Variants in TMEM230 observed in about 807,000 individuals in gnomAD.
The protein encoded by TMEM230 is transmembrane protein 230.
TMEM230 carries 10 observed loss-of-function variants against 15.8 expected under a neutral mutation model. The observed-to-expected ratio is 0.63, with a 90% CI of 0.39 to 1.07. TMEM230 has a LOEUF of 1.07. Among genes scored for constraint, TMEM230 ranks in the 50% least tolerant of loss-of-function variants. The pLI is 0.01. For missense variants in TMEM230, 165 were observed against 193.3 expected (o/e 0.85, Z 0.87); for synonymous variants, 67 against 76.9 (o/e 0.87, Z 0.68).
At chr20:5,104,073 G>A (rs1216846639) in intron 4 of TMEM230, among the ~76,000 whole-genome samples, 1 of 151,818 alleles carries the variant, frequency 6.6e-6, no homozygotes, top group South Asian at 2.1e-4. Context: ...AAACTCTGTA[G>A]GAAAAAAAAT....
intron 3 of TMEM230, among the ~76,000 whole-genome samples, chr20:5,070,732 C>T (rs1185514207): frequency 6.6e-6 from 1 of 152,180 alleles, no homozygotes; most frequent in African/African-American, 2.4e-5. Flanking sequence ...TTTGTTTACC[C>T]TTTGCAAATA....
intron 3 of TMEM230, among the ~76,000 whole-genome samples, chr20:5,078,827 T>C (rs954195755): frequency 2.0e-5 from 3 of 152,228 alleles, no homozygotes; most frequent in African/African-American, 7.2e-5. Flanking sequence ...TCTTGCTCTG[T>C]TGCCCAGGCT....
chr20:5,065,176 T>C (rs530079381), downstream of TMEM230, among the ~76,000 whole-genome samples: 12 of 152,162 alleles, frequency 7.9e-5, no homozygotes, highest in South Asian at 1.7e-3. Flanking sequence ...CCCAGCACTT[T>C]GGGAGGCCGA....
chr20:5,076,345 T>A (rs1054000739), intron 3 of TMEM230, among the ~76,000 whole-genome samples: 2 of 151,822 alleles, frequency 1.3e-5, no homozygotes, highest in Non-Finnish European at 2.9e-5. Context: ...TTCGAGACCA[T>A]CCTGGCCAAC....
chr20:5,078,199 GA>G (rs200788749), intron 3 of TMEM230, among the ~76,000 whole-genome samples: 2,394 of 151,804 alleles, frequency 0.016, 64 homozygotes, highest in African/African-American at 0.055. Context: ...CCCATGCTTA[GA>G]GGGACTCTGT....
chr20:5,094,208 C>T (rs1038457722), intron 3 of TMEM230, among the ~76,000 whole-genome samples: 8 of 148,834 alleles, frequency 5.4e-5, no homozygotes, highest in Admixed American at 4.7e-4. Context: ...CCGCCTGCCT[C>T]GGCCTCCCAA....
chr20:5,087,647 A>C (rs1018522108), intron 3 of TMEM230, among the ~76,000 whole-genome samples: 2 of 142,354 alleles, frequency 1.4e-5, no homozygotes, highest in Non-Finnish European at 1.5e-5. Flanking sequence ...CCTTCTCTTC[A>C]CTCTCAGCTT....
At position 5,068,984 on chromosome 20, in the gene TMEM230, T is replaced by C. The variant is rs2088737407; in HGVS notation, c.*204A>G. ...CATTCTCACCATTCACAAGAGGAGT[T>C]GCATAGGGGGTAGAGGGCAGCTGGA... is the stretch of plus-strand genomic sequence containing the variant. On this transcript the variant is annotated 3_prime_UTR_variant, in exon 4 of 4. Coordinates refer to the TMEM230 transcript ENST00000612323. The C allele has an allele frequency of 7.4e-6, 4 of 537,988 alleles. No homozygotes were observed. The South Asian group carries it at 8.7e-5, about 12-fold the overall frequency. 33.3% of individuals were successfully genotyped at this position (537,988 alleles called of 1,614,324 possible). A position where few individuals can be genotyped will look rare whatever the true frequency, so the allele number is the denominator to read the frequency against.
At chr20:5,075,597 C>T (rs531638562) in intron 3 of TMEM230, among the ~76,000 whole-genome samples, 1 of 151,126 alleles carries the variant, frequency 6.6e-6, no homozygotes, top group African/African-American at 2.4e-5. Flanking sequence ...TGGTGGCACA[C>T]GCCTATAATC....
intron 4 of TMEM230, among the ~76,000 whole-genome samples, chr20:5,105,463 C>T (rs904649930): frequency 1.3e-5 from 2 of 151,732 alleles, no homozygotes; most frequent in African/African-American, 2.4e-5. Flanking sequence ...CGGTGGCGCA[C>T]GTCTGTAATT....
At chr20:5,096,087 C>CCCTGCCTGGGCTGGCAATCAACCCTCGCT (rs1296264042), downstream of TMEM230, among the ~76,000 whole-genome samples, 3 of 152,236 alleles carry the variant, frequency 2.0e-5, no homozygotes, top group African/African-American at 7.2e-5. Context: ...GGGAGAGGAG[C>CCCTGCCTGGGCTGGCAATCAACCCTCGCT]CCTGCCTGGG....
rs768004556 is a variant in TMEM230 at position 5,100,762 on chromosome 20, G to C, written c.*29C>G. 6.8e-6 allele frequency: 11 copies of C among 1,611,366 alleles called. No homozygotes were observed. Among genetic ancestry groups the C allele is most frequent in the African/African-American group, 1.3e-5 (1 of 74,836 alleles). ...ATCTTAAAGCTGGGACAGTTCCACT[G>C]TGACTCCTCCTCAGCTATGGGGTGG... On this transcript the variant is annotated 3_prime_UTR_variant, in exon 5 of 5. Transcript: ENST00000342308.
intron 3 of TMEM230, among the ~76,000 whole-genome samples, chr20:5,085,002 A>T (rs1394526236): frequency 6.6e-6 from 1 of 152,186 alleles, no homozygotes. Context: ...TATTTTTAAA[A>T]TAGTCCATTT....
At chr20:5,096,153 A>G (rs922564430), downstream of TMEM230, among the ~76,000 whole-genome samples, 1 of 152,222 alleles carries the variant, frequency 6.6e-6, no homozygotes, top group Non-Finnish European at 1.5e-5. Flanking sequence ...GCCATGGAAC[A>G]GCAGGTTCAA....
At chr20:5,063,662 C>T (rs6076770), downstream of TMEM230, among the ~76,000 whole-genome samples, 62,424 of 151,872 alleles carry the variant, frequency 0.41, 15,661 homozygotes, top group East Asian at 0.8. Context: ...GGAGAACAGA[C>T]CTGAGACAGG....
At chr20:5,111,922 C>G (rs2090344009) in intron 1 of TMEM230, 1 of 295,412 alleles carries the variant, frequency 3.4e-6, no homozygotes, top group African/African-American at 2.3e-5. Context: ...TCTCAGCTCA[C>G]TGCAACCTCC....
At chr20:5,082,865 G>C (rs1475165193) in intron 3 of TMEM230, among the ~76,000 whole-genome samples, 1 of 151,806 alleles carries the variant, frequency 6.6e-6, no homozygotes, top group Non-Finnish European at 1.5e-5. Context: ...GATTTTAATG[G>C]GAAGGTATTT....
At chr20:5,094,619 A>C (rs1311061264) in intron 3 of TMEM230, among the ~76,000 whole-genome samples, 2 of 146,098 alleles carry the variant, frequency 1.4e-5, no homozygotes, top group Non-Finnish European at 3.0e-5. Context: ...AGGTAGGAGA[A>C]TAGCTTGAAC....
At chr20:5,069,791 C>G (rs1228140091) in intron 3 of TMEM230, among the ~76,000 whole-genome samples, 1 of 152,124 alleles carries the variant, frequency 6.6e-6, no homozygotes, top group African/African-American at 2.4e-5. Flanking sequence ...CTCACTGCAA[C>G]CTCCGCCTCC....
Sources: gnomAD v4.1 joint callset for allele counts (sites outside exome capture counted in the v4.1 genomes callset) on GRCh38, gnomAD v4.1.1 for gene constraint, MANE v1.5 for transcripts, NCBI Gene and HGNC (gene_info 2026-07-23, HGNC 2026-07-21) for gene names.